TET1: variants seen among roughly 807,000 people sequenced by gnomAD.
TET1 encodes the protein methylcytosine dioxygenase TET1.
In TET1, 13 loss-of-function variants were observed where a neutral mutation model predicts 148.7. That is an observed-to-expected ratio of 0.09 (90% CI 0.06 to 0.14). The LOEUF is 0.14. TET1 is among the 10% of genes least tolerant of loss of function. TET1 has a pLI of 1.00. For synonymous variants in TET1, 907 were observed against 937.2 expected, an observed-to-expected ratio of 0.97 and a Z score of 0.59; for missense variants, 2,182 against 2,553.8, an observed-to-expected ratio of 0.85 and a Z score of 3.14.
chr10:68,608,827 T>C (rs2054164871), intron 3 of TET1, among the ~76,000 whole-genome samples: 1 of 151,978 alleles, frequency 6.6e-6, no homozygotes, highest in African/African-American at 2.4e-5. Flanking sequence ...TGAGCCAACA[T>C]GCCCAGCCAT....
intron 3 of TET1, among the ~76,000 whole-genome samples, chr10:68,608,833 G>A (rs375357577): frequency 4.5e-4 from 69 of 152,230 alleles, no homozygotes; most frequent in South Asian, 1.7e-3. Flanking sequence ...AACATGCCCA[G>A]CCATATTTAT....
intron 8 of TET1, among the ~76,000 whole-genome samples, chr10:68,678,201 T>A (rs970524270): frequency 1.3e-5 from 2 of 152,078 alleles, no homozygotes; most frequent in African/African-American, 4.8e-5. Context: ...ATGAGCACAA[T>A]CCATGGAGGG....
At position 68,644,946 on chromosome 10, in the gene TET1, T is replaced by C. The variant is rs901309972; in HGVS notation, c.2217T>C (p.Ser739=). Residue 739 remains serine, a synonymous_variant, in exon 4 of 12, where the codon TCT becomes TCC. Transcript: ENST00000373644. ...CAGAAGCTGAAAAATCGAAAAACTC[T>C]GAAGTTGACAAGAAACGAACCAAAT... ...NVPEAEKSKN[S]EVDKKRTKSP... is the part of the protein sequence containing the mutation. 1.2e-6 allele frequency: 2 copies of C among 1,613,156 alleles called. No individual in the cohort carries two copies. The highest frequency in any genetic ancestry group is 8.5e-7 in the Non-Finnish European group (1 of 1,179,614).
intron 2 of TET1, among the ~76,000 whole-genome samples, chr10:68,577,657 A>G (rs2053748106): frequency 6.6e-6 from 1 of 152,104 alleles, no homozygotes; most frequent in Admixed American, 6.5e-5. Context: ...AAAATACAAA[A>G]AATAGCAGAG....
intron 2 of TET1, among the ~76,000 whole-genome samples, chr10:68,586,911 T>A (rs1476374896): frequency 6.6e-6 from 1 of 152,204 alleles, no homozygotes; most frequent in Non-Finnish European, 1.5e-5. Flanking sequence ...GATTTGTGTA[T>A]TTATTTCATT....
intron 6 of TET1, among the ~76,000 whole-genome samples, 162 bp downstream of exon 6, chr10:68,652,756 A>G (rs2054956714): frequency 6.6e-6 from 1 of 151,672 alleles, no homozygotes; most frequent in Non-Finnish European, 1.5e-5. Flanking sequence ...TGGTGCAATC[A>G]CACCTCACTG....
At chr10:68,617,006 CTTTTTTTTTTTTTTTTTTTTTTTT>C (rs71019039) in intron 3 of TET1, among the ~76,000 whole-genome samples, 1 of 39,582 alleles carries the variant, frequency 2.5e-5, no homozygotes, top group Non-Finnish European at 4.5e-5. Flanking sequence ...CGCGCCTGGC[CTTTTTTTTTTTTTTTTTTTTTTTT>C]TTTTTTTTTT....
intron 2 of TET1, among the ~76,000 whole-genome samples, chr10:68,579,035 C>G (rs939685603): frequency 6.6e-6 from 1 of 152,050 alleles, no homozygotes; most frequent in South Asian, 2.1e-4. Flanking sequence ...TAATAACTAC[C>G]TTACTGAAAT....
At chr10:68,597,030 ATTTTT>A (rs553591899) in intron 2 of TET1, among the ~76,000 whole-genome samples, 35,665 of 98,696 alleles carry the variant, frequency 0.36, 5,503 homozygotes, top group Middle Eastern at 0.46. Flanking sequence ...CAGCTAATGG[ATTTTT>A]TTTTTTTTTT....
At chr10:68,577,708 C>T (rs1590164002) in intron 2 of TET1, among the ~76,000 whole-genome samples, 1 of 152,120 alleles carries the variant, frequency 6.6e-6, no homozygotes, top group East Asian at 1.9e-4. Context: ...ACTCTGGAGG[C>T]TAAGGCAGGA....
At chr10:68,686,049 G>T (rs544755776) in intron 10 of TET1, among the ~76,000 whole-genome samples, 4 of 152,076 alleles carry the variant, frequency 2.6e-5, no homozygotes, top group African/African-American at 4.8e-5. Flanking sequence ...CTTAATTTAG[G>T]CAATGAAGTA....
chr10:68,678,123 C>T (rs918466882), intron 8 of TET1, among the ~76,000 whole-genome samples: 4 of 152,098 alleles, frequency 2.6e-5, no homozygotes, highest in African/African-American at 9.7e-5. Flanking sequence ...TGAGATCCCT[C>T]TAGATGCTGT....
chr10:68,678,686 G>T (rs923722878), intron 8 of TET1, among the ~76,000 whole-genome samples: 1 of 151,900 alleles, frequency 6.6e-6, no homozygotes, highest in Non-Finnish European at 1.5e-5. Flanking sequence ...AGAGGCAGAG[G>T]TTGCAGTGAG....
At chr10:68,683,628 G>A (rs1338574341) in intron 10 of TET1, among the ~76,000 whole-genome samples, 1 of 152,156 alleles carries the variant, frequency 6.6e-6, no homozygotes, top group Admixed American at 6.5e-5. Context: ...TAGCCAGGAT[G>A]GTCTTGATCT....
At chr10:68,676,154 CTT>C (rs1219202511) in intron 8 of TET1, among the ~76,000 whole-genome samples, 1 of 60,526 alleles carries the variant, frequency 1.7e-5, no homozygotes, top group African/African-American at 6.0e-5. Flanking sequence ...AGCACCTGGC[CTT>C]TTGTGTGTGT....
At chr10:68,650,225 C>T (rs568263975) in intron 4 of TET1, among the ~76,000 whole-genome samples, 11 of 152,222 alleles carry the variant, frequency 7.2e-5, no homozygotes, top group Admixed American at 2.6e-4. Context: ...CAAATTGTCA[C>T]GACCAAAAAT....
At chr10:68,636,071 A>T (rs2054646133) in intron 3 of TET1, among the ~76,000 whole-genome samples, 1 of 152,188 alleles carries the variant, frequency 6.6e-6, no homozygotes, top group South Asian at 2.1e-4. Flanking sequence ...GAAGTTTAAG[A>T]TATTTGAATA....
chr10:68,645,240 T>C lies in TET1; in HGVS notation c.2511T>C (p.His837=), dbSNP rs368145515. ...QPGFNCSSIP[H]SSHSIINHHA... Reference sequence around the variant, plus strand: ...GCTTTAACTGCAGTTCCATTCCACATTCTTCACACTCCATCATAAATCATC... The same window carrying C: ...GCTTTAACTGCAGTTCCATTCCACACTCTTCACACTCCATCATAAATCATC... The change falls in exon 4 of 12, where the codon CAT becomes CAC. Residue 837 remains histidine (H), a synonymous_variant. Coordinates refer to ENST00000373644, the MANE Select transcript of TET1 (RefSeq NM_030625.3). 2 of 1,614,082 alleles carry C rather than the reference T, an allele frequency of 1.2e-6. No homozygotes were observed. Among genetic ancestry groups the C allele is most frequent in the Non-Finnish European group, 1.7e-6 (2 of 1,179,972 alleles).
At chr10:68,677,419 A>G (rs2055376500) in intron 8 of TET1, among the ~76,000 whole-genome samples, 1 of 152,252 alleles carries the variant, frequency 6.6e-6, no homozygotes, top group Admixed American at 6.5e-5. Flanking sequence ...CAACAAAACT[A>G]TATTGACATG....
Sources: gnomAD v4.1 joint callset for allele counts (sites outside exome capture counted in the v4.1 genomes callset) on GRCh38, gnomAD v4.1.1 for gene constraint, MANE v1.5 for transcripts, NCBI Gene and HGNC (gene_info 2026-07-23, HGNC 2026-07-21) for gene names.